KSR2: variants seen among roughly 807,000 people sequenced by gnomAD.
KSR2 encodes kinase suppressor of ras 2.
In KSR2, 25 loss-of-function variants were observed where a neutral mutation model predicts 107.8. The ratio of observed to expected loss-of-function variants is 0.23; its 90% CI spans 0.17 to 0.32. The LOEUF is 0.32. Ranked by LOEUF, KSR2 falls within the 10% of genes least tolerant of loss-of-function variation. The probability of loss-of-function intolerance (pLI) is 1.00; values close to 1 mark genes in which losing one functional copy is unlikely to be tolerated. For synonymous variants in KSR2, 480 were observed against 507.0 expected (o/e 0.95, Z 0.71); for missense variants, 887 against 1,268.9 (o/e 0.70, Z 4.57).
chr12:117,697,655 G>A (rs1433980881), intron 4 of KSR2, among the ~76,000 whole-genome samples: 4 of 150,454 alleles, frequency 2.7e-5, no homozygotes, highest in Non-Finnish European at 4.4e-5. Flanking sequence ...CAGGTGAATC[G>A]CTTGAACCCA....
intron 14 of KSR2, among the ~76,000 whole-genome samples, chr12:117,493,565 A>G (rs561364891): frequency 6.6e-4 from 100 of 152,162 alleles, no homozygotes; most frequent in African/African-American, 2.0e-3. Flanking sequence ...ACTCCCCCCA[A>G]TAGGTCCCTG....
chr12:117,676,006 TG>T (rs1164091344), intron 4 of KSR2, among the ~76,000 whole-genome samples: 1 of 152,232 alleles, frequency 6.6e-6, no homozygotes, highest in Non-Finnish European at 1.5e-5. Flanking sequence ...CCTTTGCTCT[TG>T]GGCTGATCCA....
chr12:117,921,241 A>G (rs1267546882), intron 1 of KSR2, among the ~76,000 whole-genome samples: 3 of 152,210 alleles, frequency 2.0e-5, no homozygotes, highest in Admixed American at 1.3e-4. Flanking sequence ...ATGTGCCTCC[A>G]TGGCAGGCAC....
At chr12:117,629,644 T>C (rs1017163873) in intron 5 of KSR2, among the ~76,000 whole-genome samples, 1 of 152,226 alleles carries the variant, frequency 6.6e-6, no homozygotes, top group Non-Finnish European at 1.5e-5. Context: ...ATCAGAACTC[T>C]TCCTGTTCCT....
chr12:117,597,196 C>T (rs1880698257), intron 5 of KSR2, among the ~76,000 whole-genome samples: 1 of 152,190 alleles, frequency 6.6e-6, no homozygotes, highest in Admixed American at 6.5e-5. Context: ...TACAGAGTGG[C>T]TAATGACTTT....
In KSR2 at chr12:117,786,394, T is replaced by C. The variant is rs74412951; in HGVS notation, c.473-24870A>G. On this transcript the variant is annotated intron_variant, in intron 3 of 19. Coordinates refer to ENST00000339824, the MANE Select transcript of KSR2 (RefSeq NM_173598.6). ...GATTTGATGTATAGGTAAACTTGTG[T>C]CATGGGAGTTTGTTGTACAGATTAT... 1.4e-3 allele frequency among the ~76,000 whole-genome samples: 206 copies of C among 152,290 alleles called. 1 individual carries two copies. Among genetic ancestry groups the C allele is most frequent in the African/African-American group, 5.0e-3 (206 of 41,542 alleles).
intron 3 of KSR2, among the ~76,000 whole-genome samples, chr12:117,813,838 G>A (rs113223334): frequency 0.045 from 6,910 of 152,226 alleles, 217 homozygotes; most frequent in East Asian, 0.092. Flanking sequence ...GTTTATTGCA[G>A]CACTATTCAC....
chr12:117,629,165 T>C lies in KSR2; in HGVS notation c.1171+38309A>G, dbSNP rs61425647. ...CAACCCCATGCGCTTCCCAGGTGAGTTGATGACCCGCACTGCTTTGGCTCA... is the reference window on the plus strand; with the variant it reads ...CAACCCCATGCGCTTCCCAGGTGAGCTGATGACCCGCACTGCTTTGGCTCA... On this transcript the variant is annotated intron_variant, in intron 5 of 19. Transcript: ENST00000339824. Among the ~76,000 whole-genome samples the C allele has an allele frequency of 1.3e-3, 195 of 152,296 alleles. 1 individual carries two copies. The highest frequency in any genetic ancestry group is 4.5e-3 in the African/African-American group (186 of 41,576).
At chr12:117,903,913 T>C (rs185643809) in intron 1 of KSR2, among the ~76,000 whole-genome samples, 26 of 152,142 alleles carry the variant, frequency 1.7e-4, no homozygotes, top group Non-Finnish European at 3.5e-4. Context: ...GTGGGAAGAC[T>C]GCTTAAGGCC....
chr12:117,610,919 G>A (rs556223093), intron 5 of KSR2, among the ~76,000 whole-genome samples: 3 of 152,176 alleles, frequency 2.0e-5, no homozygotes, highest in African/African-American at 7.2e-5. Context: ...GAACTCTAGT[G>A]AAACTACTTC....
chr12:117,857,290 C>T (rs922212136), intron 2 of KSR2, among the ~76,000 whole-genome samples: 5 of 152,020 alleles, frequency 3.3e-5, no homozygotes, highest in African/African-American at 1.2e-4. Flanking sequence ...GAATTCCTGG[C>T]CTCAAGTGAT....
intron 14 of KSR2, among the ~76,000 whole-genome samples, chr12:117,518,037 A>G (rs1414768179): frequency 1.3e-5 from 2 of 152,212 alleles, no homozygotes; most frequent in African/African-American, 4.8e-5. Context: ...TAAATAATCT[A>G]TTAAGTAGTT....
Position 117,485,542 on chromosome 12 carries a change from G to A in KSR2, c.2316+53C>T. On this transcript the variant is annotated intron_variant, in intron 15 of 19. Coordinates refer to ENST00000339824, the MANE Select transcript of KSR2 (RefSeq NM_173598.6). ...CCCTGGGGTAGGGGGGCTTCCCTGG[G>A]GGAAACTGGGTCTTTCTGAGATTTA... The A allele has an allele frequency of 2.1e-6, 3 of 1,434,016 alleles. No individual in the cohort carries two copies. In the South Asian group the frequency reaches 3.5e-5, roughly 16 times the overall value. The allele number at this position is 1,434,016 out of a possible 1,614,324, so 88.8% of individuals were successfully genotyped here. A position where few individuals can be genotyped will look rare whatever the true frequency, so the allele number is the denominator to read the frequency against.
At chr12:117,959,864 G>C (rs187432127) in intron 1 of KSR2, among the ~76,000 whole-genome samples, 53 of 151,838 alleles carry the variant, frequency 3.5e-4, no homozygotes, top group Admixed American at 6.6e-4. Flanking sequence ...CTGGGAGGTC[G>C]AGGCTTCAGT....
intron 1 of KSR2, among the ~76,000 whole-genome samples, chr12:117,874,398 A>C (rs1893761168): frequency 6.6e-6 from 1 of 152,000 alleles, no homozygotes; most frequent in South Asian, 2.1e-4. Context: ...ACACCCAGCT[A>C]ATTTTTTCAT....
At chr12:117,790,728 C>T (rs943904409) in intron 3 of KSR2, among the ~76,000 whole-genome samples, 2 of 152,272 alleles carry the variant, frequency 1.3e-5, no homozygotes, top group Middle Eastern at 3.4e-3. Context: ...CTTCTGGTAG[C>T]CCATGGTTTA....
chr12:117,558,473 C>T, intron 8 of KSR2, 33 bp downstream of exon 8: 1 of 1,600,098 alleles, frequency 6.2e-7, no homozygotes, highest in East Asian at 2.2e-5. Context: ...CACCTCACCC[C>T]TGCCCCTAGG....
chr12:117,769,460 C>T (rs781294664), intron 3 of KSR2, among the ~76,000 whole-genome samples: 11 of 152,176 alleles, frequency 7.2e-5, no homozygotes, highest in Non-Finnish European at 1.5e-4. Flanking sequence ...AGAGTTAATT[C>T]TCCTAAGTCA....
At chr12:117,544,415 C>T (rs7964157) in intron 9 of KSR2, among the ~76,000 whole-genome samples, 52,519 of 151,814 alleles carry the variant, frequency 0.35, 9,422 homozygotes, top group Non-Finnish European at 0.4. Flanking sequence ...GTCAGGAGTT[C>T]GAGACCAGCC....
Sources: allele counts gnomAD v4.1 joint callset (sites outside exome capture counted in the v4.1 genomes callset), GRCh38; gene constraint gnomAD v4.1.1; transcripts MANE v1.5; gene names NCBI Gene and HGNC (gene_info 2026-07-23, HGNC 2026-07-21).